EPHA3: variants seen among roughly 807,000 people sequenced by gnomAD.
EPHA3 encodes ephrin type-A receptor 3.
EPHA3 carries 42 observed loss-of-function variants against 107.1 expected under a neutral mutation model. That is an observed-to-expected ratio of 0.39 (90% CI 0.31 to 0.51). The LOEUF is 0.51. EPHA3 is among the 20% of genes least tolerant of loss of function. The pLI is 0.78. For missense variants in EPHA3, 1,183 were observed against 1,211.2 expected (o/e 0.98, Z 0.35); for synonymous variants, 461 against 424.8 (o/e 1.09, Z -1.05).
chr3:89,151,791 GAAATA>G (rs551273302), intron 2 of EPHA3, among the ~76,000 whole-genome samples: 74 of 152,000 alleles, frequency 4.9e-4, no homozygotes, highest in Middle Eastern at 6.8e-3. Context: ...AGAAATAATA[GAAATA>G]AAATAAAAGC....
chr3:89,138,291 T>G (rs62274617), intron 2 of EPHA3, among the ~76,000 whole-genome samples: 7 of 151,900 alleles, frequency 4.6e-5, no homozygotes, highest in Non-Finnish European at 1.0e-4. Context: ...GTCATCAAAT[T>G]TATCTCATGT....
intron 2 of EPHA3, among the ~76,000 whole-genome samples, chr3:89,152,590 TCA>T (rs1704712889): frequency 6.6e-6 from 1 of 152,128 alleles, no homozygotes; most frequent in African/African-American, 2.4e-5. Context: ...CATTATTCTT[TCA>T]CTTATAGTTT....
intron 3 of EPHA3, among the ~76,000 whole-genome samples, chr3:89,305,247 TA>T (rs767076813): frequency 6.6e-6 from 1 of 152,192 alleles, no homozygotes; most frequent in East Asian, 1.9e-4. Context: ...TATAGTTTTA[TA>T]CTTTTCAACA....
At chr3:89,313,867 AAAAG>A (rs1706829534) in intron 3 of EPHA3, among the ~76,000 whole-genome samples, 1 of 152,008 alleles carries the variant, frequency 6.6e-6, no homozygotes, top group African/African-American at 2.4e-5. Flanking sequence ...CAGTAAAATA[AAAAG>A]AAATATTCTC....
chr3:89,317,404 A>G lies in EPHA3; in HGVS notation c.815-23512A>G, dbSNP rs111970058. Among the ~76,000 whole-genome samples, 821 of 151,918 alleles carry G rather than the reference A, an allele frequency of 5.4e-3. 7 individuals carry two copies. Among genetic ancestry groups the G allele is most frequent in the African/African-American group, 0.019 (786 of 41,494 alleles). Reference sequence around the variant, plus strand: ...GCCCTGCACTGCCAATAGGAAGAGCATGACATTACTGGCAAATGGGGGTGG... The same window carrying G: ...GCCCTGCACTGCCAATAGGAAGAGCGTGACATTACTGGCAAATGGGGGTGG... On this transcript the variant is annotated intron_variant, in intron 3 of 16. Transcript: ENST00000336596.
At chr3:89,135,119 G>C (rs1378232404) in intron 2 of EPHA3, among the ~76,000 whole-genome samples, 1 of 152,124 alleles carries the variant, frequency 6.6e-6, no homozygotes, top group African/African-American at 2.4e-5. Context: ...TTAGTGATGA[G>C]AATGTTCTCA....
Position 89,239,278 on chromosome 3 carries a change from T to A in EPHA3, c.814+28758T>A, listed in dbSNP as rs1164442443. Reference sequence around the variant, plus strand: ...GTTTTATTGCTGAAAGCAATTCATGTAAATAAAATGAGGATAAAGCAACAC... The same window carrying A: ...GTTTTATTGCTGAAAGCAATTCATGAAAATAAAATGAGGATAAAGCAACAC... On this transcript the variant is annotated intron_variant, in intron 3 of 16. Coordinates refer to ENST00000336596, the MANE Select transcript of EPHA3 (RefSeq NM_005233.6). 6.6e-5 allele frequency among the ~76,000 whole-genome samples: 10 copies of A among 152,298 alleles called. No homozygotes were observed. In the South Asian group the frequency reaches 1.9e-3, roughly 28 times the overall value.
intron 2 of EPHA3, among the ~76,000 whole-genome samples, chr3:89,205,816 T>C (rs141402779): frequency 1.3e-5 from 2 of 151,896 alleles, no homozygotes; most frequent in East Asian, 3.9e-4. Flanking sequence ...TTTTTTTTCA[T>C]CTCTGCCTTG....
rs2107417631 is a variant in EPHA3 at position 89,341,054 on chromosome 3, C to T, written c.953C>T (p.Pro318Leu). Residue 318 changes from proline to leucine, a missense_variant, in exon 4 of 17, where the codon CCA becomes CTA. Pro to Leu is a moderately conservative substitution (Grantham distance 98, BLOSUM62 -3). Transcript: ENST00000336596. ...NNYFRADKDP[P>L]SMACTRPPSS... ...TACTTCCGGGCAGACAAAGACCCTC[C>T]ATCCATGGCTTGTACCCGTGAGTAG... 6.2e-7 allele frequency: 1 copy of T among 1,613,644 alleles called. No homozygotes were observed. Among genetic ancestry groups the T allele is most frequent in the South Asian group, 1.1e-5 (1 of 90,966 alleles).
chr3:89,242,102 G>A (rs1209933290), intron 3 of EPHA3, among the ~76,000 whole-genome samples: 5 of 152,146 alleles, frequency 3.3e-5, no homozygotes, highest in Admixed American at 6.5e-5. Flanking sequence ...GGAAATACAC[G>A]GTTGGCAGAG....
intron 15 of EPHA3, among the ~76,000 whole-genome samples, chr3:89,452,015 A>G (rs960196316): frequency 6.6e-6 from 1 of 152,098 alleles, no homozygotes; most frequent in Non-Finnish European, 1.5e-5. Context: ...TTAAAACAAT[A>G]TTTTAAGATG....
chr3:89,363,751 A>G (rs1182651893), intron 5 of EPHA3, among the ~76,000 whole-genome samples: 2 of 150,738 alleles, frequency 1.3e-5, no homozygotes, highest in East Asian at 3.9e-4. Context: ...CTATATTTTT[A>G]AAAGAAATGT....
At chr3:89,281,813 G>A (rs1203521170) in intron 3 of EPHA3, among the ~76,000 whole-genome samples, 1 of 152,140 alleles carries the variant, frequency 6.6e-6, no homozygotes, top group East Asian at 1.9e-4. Context: ...CAGGGAAGGT[G>A]CCACACTAAA....
At chr3:89,188,861 T>C (rs60059699) in intron 2 of EPHA3, among the ~76,000 whole-genome samples, 4,965 of 152,300 alleles carry the variant, frequency 0.033, 286 homozygotes, top group African/African-American at 0.11. Flanking sequence ...ATCTGTTCTC[T>C]TTTTCCTCCT....
At chr3:89,297,848 A>G (rs562989608) in intron 3 of EPHA3, among the ~76,000 whole-genome samples, 518 of 152,252 alleles carry the variant, frequency 3.4e-3, no homozygotes, top group Middle Eastern at 6.8e-3. Context: ...CAGCCTGGCC[A>G]ACATGGCAAA....
chr3:89,386,303 A>G (rs1708620641), intron 5 of EPHA3, among the ~76,000 whole-genome samples: 1 of 152,148 alleles, frequency 6.6e-6, no homozygotes, highest in Admixed American at 6.5e-5. Flanking sequence ...GGAGGGAAAA[A>G]TGGTTTTGAG....
At position 89,327,695 on chromosome 3, in the gene EPHA3, G is replaced by T. The variant is rs1348600322; in HGVS notation, c.815-13221G>T. Among the ~76,000 whole-genome samples, 5 of 152,164 alleles carry T rather than the reference G, an allele frequency of 3.3e-5. No homozygotes were observed. In the East Asian group the frequency reaches 5.8e-4, roughly 18 times the overall value. The stretch of plus-strand genomic sequence containing the variant: ...AGTTTTTTTAGGCATCTTTTCTGAA[G>T]TGCATCAATATACCCCTGAAAGTCT... On this transcript the variant is annotated intron_variant, in intron 3 of 16. Transcript: ENST00000336596.
Position 89,472,615 on chromosome 3 carries a change from A to G in EPHA3, c.2842A>G (p.Thr948Ala). Residue 948 changes from threonine (T) to alanine (A), a missense_variant, in exon 16 of 17, where the codon ACA becomes GCA. Transcript: ENST00000336596. Reference protein sequence around the residue: ...SSCDTIAKISTDDMKKVGVTV... With the variant: ...SSCDTIAKISADDMKKVGVTV... ...TTGTGACACAATAGCCAAGATTTCC[A>G]CAGAGTAAGAAAAAAAAATTCATTA... The G allele has an allele frequency of 6.2e-7, 1 of 1,607,454 alleles. No homozygotes were observed. The highest frequency in any genetic ancestry group is 8.5e-7 in the Non-Finnish European group (1 of 1,177,722).
intron 5 of EPHA3, among the ~76,000 whole-genome samples, chr3:89,393,135 A>G (rs1318898162): frequency 6.6e-6 from 1 of 152,220 alleles, no homozygotes; most frequent in African/African-American, 2.4e-5. Flanking sequence ...GTGTATTAAA[A>G]GAGCAGAACA....
Sources: gnomAD v4.1 joint callset for allele counts (sites outside exome capture counted in the v4.1 genomes callset) on GRCh38, gnomAD v4.1.1 for gene constraint, MANE v1.5 for transcripts, NCBI Gene and HGNC (gene_info 2026-07-23, HGNC 2026-07-21) for gene names.